ANKS1B: variants seen among roughly 807,000 people sequenced by gnomAD.
ANKS1B encodes the protein ankyrin repeat and sterile alpha motif domain containing 1B.
Under a neutral mutation model 148.3 loss-of-function variants are expected in ANKS1B, and 36 were observed. The ratio of observed to expected loss-of-function variants is 0.24; its 90% CI spans 0.19 to 0.32. The LOEUF (loss-of-function observed/expected upper bound fraction) is 0.32. ANKS1B is among the 10% of genes least tolerant of loss of function. The pLI is 1.00. For synonymous variants in ANKS1B, 542 were observed against 560.8 expected (o/e 0.97, Z 0.47); for missense variants, 1,157 against 1,542.6 (o/e 0.75, Z 4.19).
chr12:98,792,586 G>A (rs1032267738), intron 22 of ANKS1B, among the ~76,000 whole-genome samples: 6 of 152,186 alleles, frequency 3.9e-5, no homozygotes, highest in East Asian at 3.9e-4. Context: ...ATTGAGCAAC[G>A]TCTCCCTATT....
At chr12:98,911,082 A>G (rs922733595) in intron 17 of ANKS1B, among the ~76,000 whole-genome samples, 2 of 148,420 alleles carry the variant, frequency 1.3e-5, no homozygotes, top group African/African-American at 2.4e-5. Context: ...CACCATCTGG[A>G]GATAAAAATT....
chr12:99,120,746 G>A (rs1462284307), intron 15 of ANKS1B, among the ~76,000 whole-genome samples: 1 of 152,184 alleles, frequency 6.6e-6, no homozygotes, highest in Non-Finnish European at 1.5e-5. Context: ...GGAACTGCAG[G>A]AGAAGCAGCA....
chr12:99,945,402 A>C (rs7967270), intron 1 of ANKS1B, among the ~76,000 whole-genome samples: 10,136 of 152,168 alleles, frequency 0.067, 398 homozygotes, highest in Non-Finnish European at 0.081. Flanking sequence ...GACAAAAACA[A>C]AAGTAGTATG....
intron 17 of ANKS1B, among the ~76,000 whole-genome samples, chr12:98,956,809 G>C (rs1019731968): frequency 6.6e-6 from 1 of 152,072 alleles, no homozygotes; most frequent in Non-Finnish European, 1.5e-5. Context: ...CTGCCCTCAT[G>C]AAAGTATACT....
intron 14 of ANKS1B, among the ~76,000 whole-genome samples, chr12:99,201,130 G>T (rs1222581616): frequency 6.6e-6 from 1 of 152,148 alleles, no homozygotes; most frequent in African/African-American, 2.4e-5. Context: ...AGAGAGAGTG[G>T]CAGGAAATAA....
chr12:99,174,498 A>G (rs2078145959), intron 14 of ANKS1B, among the ~76,000 whole-genome samples: 1 of 152,192 alleles, frequency 6.6e-6, no homozygotes, highest in Non-Finnish European at 1.5e-5. Context: ...AAAATGTTTC[A>G]TTCAGAGTTG....
chr12:99,609,370 C>A, intron 9 of ANKS1B, among the ~76,000 whole-genome samples: 1 of 151,778 alleles, frequency 6.6e-6, no homozygotes, highest in East Asian at 1.9e-4. Context: ...AAGTCTTTTA[C>A]GACTTAACCA....
At chr12:99,377,283 G>T (rs2093431425) in intron 12 of ANKS1B, among the ~76,000 whole-genome samples, 1 of 152,156 alleles carries the variant, frequency 6.6e-6, no homozygotes, top group South Asian at 2.1e-4. Flanking sequence ...TGGATTATGG[G>T]TGTGAGCCTG....
chr12:99,622,317 A>G (rs563013589), intron 9 of ANKS1B, among the ~76,000 whole-genome samples: 27 of 152,124 alleles, frequency 1.8e-4, no homozygotes, highest in African/African-American at 6.5e-4. Context: ...ACAATGTAAT[A>G]TCACACCAAG....
intron 9 of ANKS1B, among the ~76,000 whole-genome samples, chr12:99,642,976 T>G (rs556367569): frequency 6.6e-6 from 1 of 152,070 alleles, no homozygotes; most frequent in South Asian, 2.1e-4. Context: ...CCTTCATAAT[T>G]ACATTGGGCA....
Position 99,694,572 on chromosome 12 carries a change from C to T in ANKS1B, c.1129-39362G>A, listed in dbSNP as rs547605264. Among the ~76,000 whole-genome samples, 4 of 151,920 alleles carry T rather than the reference C, an allele frequency of 2.6e-5. 1 individual carries two copies. Among genetic ancestry groups the T allele is most frequent in the South Asian group, 4.2e-4 (2 of 4,806 alleles). On this transcript the variant is annotated intron_variant, in intron 8 of 26. Coordinates refer to ENST00000683438, the MANE Select transcript of ANKS1B (RefSeq NM_001352186.2). ...TGATACTGTAAAAGATAAATAAAACCTCAGCTGACCAAAGCATCATAAATG... is the reference window on the plus strand; with the variant it reads ...TGATACTGTAAAAGATAAATAAAACTTCAGCTGACCAAAGCATCATAAATG...
At chr12:99,211,931 G>A (rs899226610) in intron 14 of ANKS1B, among the ~76,000 whole-genome samples, 1 of 152,156 alleles carries the variant, frequency 6.6e-6, no homozygotes, top group Non-Finnish European at 1.5e-5. Context: ...ATTCACCCCA[G>A]CGCACATCTT....
At chr12:99,652,496 G>A (rs2098426719) in intron 9 of ANKS1B, among the ~76,000 whole-genome samples, 1 of 151,734 alleles carries the variant, frequency 6.6e-6, no homozygotes, top group African/African-American at 2.4e-5. Flanking sequence ...AATTTATAGT[G>A]AGAGAAACAT....
intron 1 of ANKS1B, among the ~76,000 whole-genome samples, chr12:99,867,564 C>T (rs886239697): frequency 4.6e-5 from 7 of 152,040 alleles, no homozygotes; most frequent in African/African-American, 1.7e-4. Context: ...AAAGAGTTTC[C>T]CCTTATAAAA....
intron 9 of ANKS1B, among the ~76,000 whole-genome samples, chr12:99,587,829 A>T (rs575991668): frequency 6.6e-5 from 10 of 152,318 alleles, no homozygotes; most frequent in African/African-American, 2.4e-4. Flanking sequence ...TAGGTAAAAA[A>T]TAGTTAAATC....
chr12:99,071,457 C>G (rs557465999), intron 16 of ANKS1B, among the ~76,000 whole-genome samples: 6 of 152,314 alleles, frequency 3.9e-5, no homozygotes, highest in Non-Finnish European at 7.4e-5. Flanking sequence ...GCACACAGTT[C>G]TGCTTTTCTG....
intron 17 of ANKS1B, among the ~76,000 whole-genome samples, chr12:99,015,605 G>T (rs934505944): frequency 6.6e-6 from 1 of 152,188 alleles, no homozygotes; most frequent in Non-Finnish European, 1.5e-5. Context: ...AGTGGCTCAT[G>T]CCTGTAATCC....
chr12:99,030,077 G>C (rs1368329730), intron 17 of ANKS1B, among the ~76,000 whole-genome samples: 1 of 152,156 alleles, frequency 6.6e-6, no homozygotes, highest in East Asian at 1.9e-4. Context: ...CTTCCCTCTG[G>C]CTCAAAAACT....
intron 17 of ANKS1B, among the ~76,000 whole-genome samples, chr12:98,950,888 G>C (rs2099853087): frequency 6.6e-6 from 1 of 152,114 alleles, no homozygotes; most frequent in African/African-American, 2.4e-5. Context: ...GCATTGCTGG[G>C]ATTACAGATG....
Sources: gnomAD v4.1 joint callset for allele counts (sites outside exome capture counted in the v4.1 genomes callset) on GRCh38, gnomAD v4.1.1 for gene constraint, MANE v1.5 for transcripts, NCBI Gene and HGNC (gene_info 2026-07-23, HGNC 2026-07-21) for gene names.